The following CACNA2D3 variants were observed in gnomAD, a reference collection of about 807,000 sequenced individuals.
CACNA2D3 encodes voltage-dependent calcium channel subunit alpha-2/delta-3.
CACNA2D3 carries 60 observed loss-of-function variants against 160.6 expected under a neutral mutation model. That is an observed-to-expected ratio of 0.37 (90% confidence interval 0.30 to 0.46). CACNA2D3 has a LOEUF of 0.46. Among genes scored for constraint, CACNA2D3 ranks in the 20% least tolerant of loss-of-function variants. CACNA2D3 has a pLI of 1.00. For synonymous variants in CACNA2D3, 558 were observed against 492.9 expected, an observed-to-expected ratio of 1.13 and a Z score of -1.75; for missense variants, 1,205 against 1,365.0, an observed-to-expected ratio of 0.88 and a Z score of 1.85.
chr3:54,123,389 T>C (rs79330279), intron 1 of CACNA2D3, 124 bp from the exon 2 acceptor site: 8,645 of 740,842 alleles, frequency 0.012, 99 homozygotes, highest in Non-Finnish European at 0.014. Context: ...TATCTTTTCT[T>C]CTTTTAAAAC....
intron 27 of CACNA2D3, among the ~76,000 whole-genome samples, chr3:54,960,560 T>G (rs1702006836): frequency 6.6e-6 from 1 of 152,198 alleles, no homozygotes; most frequent in Admixed American, 6.5e-5. Flanking sequence ...TTATAACAAA[T>G]GCATATTGCT....
intron 11 of CACNA2D3, among the ~76,000 whole-genome samples, chr3:54,717,678 T>A (rs1204101690): frequency 3.4e-5 from 5 of 145,416 alleles, no homozygotes; most frequent in African/African-American, 1.3e-4. Context: ...GTGTGGTGTG[T>A]GTGGTGTGTG....
intron 27 of CACNA2D3, among the ~76,000 whole-genome samples, chr3:54,911,349 G>T (rs1014201638): frequency 0.011 from 197 of 17,580 alleles, no homozygotes; most frequent in African/African-American, 0.027. Flanking sequence ...CTTCTTTGTC[G>T]TCTTTTTTTT....
chr3:54,763,799 GTACA>G lies in CACNA2D3; in HGVS notation c.1247-416_1247-413del, dbSNP rs1702148634. On this transcript the variant is annotated intron_variant, in intron 12 of 37. Transcript: ENST00000474759. ...TATGTACATATATATGTATATATAT[GTACA>G]TATATATACATATATATATACGTAT... 9.7e-5 allele frequency among the ~76,000 whole-genome samples: 2 copies of G among 20,670 alleles called. 1 individual carries two copies. The highest frequency in any genetic ancestry group is 2.1e-4 in the Non-Finnish European group (2 of 9,590). 13.6% of individuals were successfully genotyped at this position (20,670 alleles called of 152,430 possible). A position where few individuals can be genotyped will look rare whatever the true frequency, so the allele number is the denominator to read the frequency against.
At chr3:54,761,159 C>G (rs963203846) in intron 12 of CACNA2D3, among the ~76,000 whole-genome samples, 4 of 152,160 alleles carry the variant, frequency 2.6e-5, no homozygotes, top group Non-Finnish European at 5.9e-5. Context: ...AAATCCAAAT[C>G]AGAGAGCTTT....
intron 11 of CACNA2D3, among the ~76,000 whole-genome samples, chr3:54,737,934 G>A (rs1471386520): frequency 1.3e-5 from 2 of 152,098 alleles, no homozygotes; most frequent in Non-Finnish European, 2.9e-5. Flanking sequence ...CCAAAGTGCT[G>A]GAATTACAGG....
intron 5 of CACNA2D3, among the ~76,000 whole-genome samples, chr3:54,562,509 A>AT (rs966351233): frequency 7.2e-5 from 11 of 152,184 alleles, no homozygotes; most frequent in Admixed American, 1.3e-4. Context: ...GGATTATGTG[A>AT]TTTTCTCTAT....
intron 10 of CACNA2D3, among the ~76,000 whole-genome samples, chr3:54,631,480 T>A (rs1254329851): frequency 5.3e-5 from 8 of 152,148 alleles, no homozygotes; most frequent in Admixed American, 5.2e-4. Flanking sequence ...TCTTCCTGTG[T>A]ATTATGCCTG....
intron 13 of CACNA2D3, among the ~76,000 whole-genome samples, chr3:54,770,305 A>G (rs1428397379): frequency 1.3e-5 from 2 of 152,334 alleles, no homozygotes; most frequent in East Asian, 1.9e-4. Flanking sequence ...ATTCCTACAC[A>G]TGATGTTAAC....
At chr3:55,017,766 C>T (rs761908393) in intron 34 of CACNA2D3, among the ~76,000 whole-genome samples, 12 of 152,280 alleles carry the variant, frequency 7.9e-5, no homozygotes, top group Admixed American at 1.3e-4. Context: ...AAAGACATTA[C>T]GTATTTTACT....
intron 2 of CACNA2D3, among the ~76,000 whole-genome samples, chr3:54,211,427 C>G (rs1292806047): frequency 6.6e-6 from 1 of 152,094 alleles, no homozygotes; most frequent in Non-Finnish European, 1.5e-5. Context: ...CACCTGTGGG[C>G]ACTTTTATTT....
chr3:54,723,087 C>T (rs931253644), intron 11 of CACNA2D3, among the ~76,000 whole-genome samples: 13 of 152,278 alleles, frequency 8.5e-5, no homozygotes, highest in African/African-American at 3.1e-4. Flanking sequence ...TCAGAGATGC[C>T]CTGCCCAGAG....
chr3:54,344,445 C>T (rs536626364), intron 3 of CACNA2D3, among the ~76,000 whole-genome samples: 14 of 152,352 alleles, frequency 9.2e-5, no homozygotes, highest in African/African-American at 3.4e-4. Flanking sequence ...GTCCTTGGCA[C>T]TGCTGGAAAC....
intron 11 of CACNA2D3, among the ~76,000 whole-genome samples, chr3:54,716,424 T>G (rs1701050786): frequency 6.6e-6 from 1 of 152,172 alleles, no homozygotes; most frequent in African/African-American, 2.4e-5. Context: ...AGGGAAGATG[T>G]GTTCACAATC....
chr3:55,025,881 A>G lies in CACNA2D3; in HGVS notation c.2987+7564A>G, dbSNP rs187535389. ...TGGCAGGTCAGTCATACACTGCAGA[A>G]GCAGAACAATAAAGCCCCGGGAGTC... On this transcript the variant is annotated intron_variant, in intron 35 of 37. Transcript: ENST00000474759. Among the ~76,000 whole-genome samples the G allele has an allele frequency of 4.6e-5, 7 of 152,148 alleles. No individual in the cohort carries two copies. The East Asian group carries it at 1.4e-3, about 29-fold the overall frequency.
intron 2 of CACNA2D3, among the ~76,000 whole-genome samples, chr3:54,292,726 G>T (rs1427795996): frequency 3.9e-5 from 6 of 152,202 alleles, no homozygotes; most frequent in Non-Finnish European, 8.8e-5. Context: ...TGTTGTTGGT[G>T]TGAATGTAAA....
chr3:54,182,609 A>G (rs1015058655), intron 2 of CACNA2D3, among the ~76,000 whole-genome samples: 10 of 152,164 alleles, frequency 6.6e-5, no homozygotes, highest in Admixed American at 2.0e-4. Flanking sequence ...AAATGTTACT[A>G]CGTTATTTGA....
chr3:54,871,865 C>T (rs1256775509), intron 18 of CACNA2D3, among the ~76,000 whole-genome samples: 3 of 152,206 alleles, frequency 2.0e-5, no homozygotes, highest in Non-Finnish European at 4.4e-5. Context: ...AAAACCATCC[C>T]CCTGCGGACG....
At chr3:54,473,639 C>A (rs1037792958) in intron 4 of CACNA2D3, among the ~76,000 whole-genome samples, 3 of 152,122 alleles carry the variant, frequency 2.0e-5, no homozygotes, top group Admixed American at 1.3e-4. Flanking sequence ...ATCCATCTGA[C>A]AAAGGACTAA....
Sources: gnomAD v4.1 joint callset for allele counts (sites outside exome capture counted in the v4.1 genomes callset) on GRCh38, gnomAD v4.1.1 for gene constraint, MANE v1.5 for transcripts, NCBI Gene and HGNC (gene_info 2026-07-23, HGNC 2026-07-21) for gene names.